Variants in BCAS3 observed in about 807,000 individuals in gnomAD.
The protein encoded by BCAS3 is BCAS3 microtubule associated cell migration factor.
In BCAS3, 53 loss-of-function variants were observed where a neutral mutation model predicts 116.1. The observed-to-expected ratio is 0.46, with a 90% CI of 0.37 to 0.57. The LOEUF is 0.57. Ranked by LOEUF, BCAS3 falls within the 20% of genes least tolerant of loss-of-function variation. The probability of loss-of-function intolerance (pLI) is 0.00; values close to 1 mark genes in which losing one functional copy is unlikely to be tolerated. For synonymous variants in BCAS3, 391 were observed against 408.2 expected, an observed-to-expected ratio of 0.96 and a Z score of 0.51; for missense variants, 917 against 1,165.4, an observed-to-expected ratio of 0.79 and a Z score of 3.10.
At chr17:60,796,042 C>T (rs7214660) in intron 6 of BCAS3, among the ~76,000 whole-genome samples, 7,123 of 152,188 alleles carry the variant, frequency 0.047, 498 homozygotes, top group African/African-American at 0.15. Context: ...TATTGACTCA[C>T]GTATGTTAAA....
At chr17:60,913,686 C>G (rs984414500) in intron 12 of BCAS3, among the ~76,000 whole-genome samples, 1 of 152,030 alleles carries the variant, frequency 6.6e-6, no homozygotes, top group Non-Finnish European at 1.5e-5. Flanking sequence ...AATACATTGA[C>G]TTTTGCTGTT....
intron 14 of BCAS3, among the ~76,000 whole-genome samples, chr17:60,973,265 T>C (rs1341110557): frequency 6.6e-6 from 1 of 152,102 alleles, no homozygotes; most frequent in East Asian, 1.9e-4. Context: ...TCAGTGATGT[T>C]AATTTCCTTT....
chr17:60,789,183 A>G (rs548109141), intron 6 of BCAS3, among the ~76,000 whole-genome samples: 4 of 152,170 alleles, frequency 2.6e-5, no homozygotes, highest in African/African-American at 4.8e-5. Context: ...CTTAACATCA[A>G]AAGAGAAGAG....
chr17:60,710,766 A>G (rs191714971), intron 5 of BCAS3, among the ~76,000 whole-genome samples: 1 of 149,644 alleles, frequency 6.7e-6, no homozygotes, highest in East Asian at 2.0e-4. Flanking sequence ...TTATTTTTTG[A>G]TAAGTCACTT....
chr17:61,236,425 T>C (rs2083062845), intron 22 of BCAS3, among the ~76,000 whole-genome samples: 1 of 152,218 alleles, frequency 6.6e-6, no homozygotes, highest in African/African-American at 2.4e-5. Context: ...GTTCAACCAA[T>C]TGTCCTGCCT....
Position 61,323,005 on chromosome 17 carries a change from C to T in BCAS3, c.2426-45322C>T, listed in dbSNP as rs755122611. ...AGGCGCCTTCCTTTTTTTTTAAAGG[C>T]GTGTTGTGGCTATTTTGATGCCTTT... On this transcript the variant is annotated intron_variant, in intron 22 of 23. Transcript: ENST00000407086. This position sits in a 1 kb window ranked among gnomAD's most constrained non-coding sequence, Gnocchi z 4.6. Among the ~76,000 whole-genome samples the T allele has an allele frequency of 2.6e-5, 4 of 151,032 alleles. No individual in the cohort carries two copies. The highest frequency in any genetic ancestry group is 1.9e-4 in the East Asian group (1 of 5,146).
rs547081108 is a variant in BCAS3 at position 61,310,721 on chromosome 17, G to C, written c.2426-57606G>C. ...GAGACATGAAGGGGGGCAGGCCTCT[G>C]TGCCCCGCCCTCCAAGAGCTCACCA... On this transcript the variant is annotated intron_variant, in intron 22 of 23. Coordinates refer to ENST00000407086, the MANE Select transcript of BCAS3 (RefSeq NM_017679.5). Among the ~76,000 whole-genome samples, 364 of 152,276 alleles carry C rather than the reference G, an allele frequency of 2.4e-3. 3 individuals are homozygous for C. The highest frequency in any genetic ancestry group is 3.6e-3 in the Non-Finnish European group (245 of 68,020).
At chr17:61,093,122 G>C (rs150795500) in intron 22 of BCAS3, among the ~76,000 whole-genome samples, 3 of 151,942 alleles carry the variant, frequency 2.0e-5, no homozygotes, top group Non-Finnish European at 4.4e-5. Context: ...TGGCCAGGCT[G>C]GTCTCGAGCT....
intron 4 of BCAS3, among the ~76,000 whole-genome samples, chr17:60,701,270 G>C (rs2036346665): frequency 6.6e-6 from 1 of 152,020 alleles, no homozygotes; most frequent in Admixed American, 6.6e-5. Flanking sequence ...ATAAAAGTCG[G>C]AGAGGAGAGC....
chr17:60,921,196 T>C (rs2059063981), intron 12 of BCAS3, among the ~76,000 whole-genome samples: 1 of 152,180 alleles, frequency 6.6e-6, no homozygotes, highest in Non-Finnish European at 1.5e-5. Flanking sequence ...AAAGGAAATG[T>C]GCTATTCATC....
rs1436764604 is a variant in BCAS3, at chr17:61,134,139, T to C, written c.2425+49575T>C. Reference sequence around the variant, plus strand: ...AAATATTTCATATAGTCTGCTATAGTCTGGCCAGTATGAATTAAATAAAAG... The same window carrying C: ...AAATATTTCATATAGTCTGCTATAGCCTGGCCAGTATGAATTAAATAAAAG... On this transcript the variant is annotated intron_variant, in intron 22 of 23. Coordinates refer to ENST00000407086, the MANE Select transcript of BCAS3 (RefSeq NM_017679.5). The surrounding 1 kb of genome is among the most constrained non-coding windows in gnomAD (Gnocchi z 4.6). 1.3e-5 allele frequency among the ~76,000 whole-genome samples: 2 copies of C among 152,186 alleles called. No individual in the cohort carries two copies. The highest frequency in any genetic ancestry group is 4.8e-5 in the African/African-American group (2 of 41,458).
chr17:61,037,755 G>T lies in BCAS3; in HGVS notation c.1763-134G>T. ...TCCATCTCCAAAAAAAAGAAAAAAA[G>T]AAAAAAATTCCTGTCTTTTCATTTT... On this transcript the variant is annotated intron_variant, in intron 17 of 23. Transcript: ENST00000407086. This position sits in a 1 kb window ranked among gnomAD's most constrained non-coding sequence, Gnocchi z 4.7. 1 of 897,660 alleles carries T rather than the reference G, an allele frequency of 1.1e-6. No individual in the cohort carries two copies. The highest frequency in any genetic ancestry group is 1.6e-6 in the Non-Finnish European group (1 of 626,092). 55.6% of individuals were successfully genotyped at this position (897,660 alleles called of 1,614,324 possible). A position where few individuals can be genotyped will look rare whatever the true frequency, so the allele number is the denominator to read the frequency against.
At chr17:61,304,271 C>T (rs2053665395) in intron 22 of BCAS3, among the ~76,000 whole-genome samples, 1 of 152,192 alleles carries the variant, frequency 6.6e-6, no homozygotes, top group African/African-American at 2.4e-5. Context: ...CATGTCACTA[C>T]CCATCTAAAG....
chr17:61,049,753 A>G (rs1453679232), intron 19 of BCAS3, among the ~76,000 whole-genome samples: 2 of 118,414 alleles, frequency 1.7e-5, no homozygotes, highest in African/African-American at 3.4e-5. Flanking sequence ...TTTTTTTGAG[A>G]CGGAGTTTCA....
intron 7 of BCAS3, among the ~76,000 whole-genome samples, chr17:60,867,856 GT>G (rs1367619130): frequency 6.6e-6 from 1 of 152,004 alleles, no homozygotes; most frequent in Admixed American, 6.6e-5. Flanking sequence ...TGATTTTAGG[GT>G]CAGACCTTTT....
intron 7 of BCAS3, among the ~76,000 whole-genome samples, chr17:60,846,328 G>A (rs2052533548): frequency 6.6e-6 from 1 of 152,120 alleles, no homozygotes; most frequent in South Asian, 2.1e-4. Flanking sequence ...TATACACAGG[G>A]ATCCCCACTG....
At chr17:60,791,414 G>GAGGCTGAAAT (rs2046757790) in intron 6 of BCAS3, among the ~76,000 whole-genome samples, 1 of 152,180 alleles carries the variant, frequency 6.6e-6, no homozygotes, top group Non-Finnish European at 1.5e-5. Context: ...AGCTCTTTGG[G>GAGGCTGAAAT]AGGCTGAAAT....
rs984643610 is a variant in BCAS3, at chr17:61,017,401, A to G, written c.1637+1500A>G. Among the ~76,000 whole-genome samples the G allele has an allele frequency of 2.6e-5, 4 of 152,142 alleles. No individual in the cohort carries two copies. Among genetic ancestry groups the G allele is most frequent in the Admixed American group, 2.0e-4 (3 of 15,274 alleles). ...TCACTCCAGCATTGTACAATTCTCC[A>G]AAGTACTTACAAATTTTAGCCTGTC... On this transcript the variant is annotated intron_variant, in intron 16 of 23. Transcript: ENST00000407086. The surrounding 1 kb of genome is among the most constrained non-coding windows in gnomAD (Gnocchi z 4.7).
At chr17:60,985,009 CAA>C (rs762586066) in intron 14 of BCAS3, among the ~76,000 whole-genome samples, 3,265 of 50,076 alleles carry the variant, frequency 0.065, 64 homozygotes, top group African/African-American at 0.15. Flanking sequence ...GACTCCATCT[CAA>C]AAAAAAAAAA....
Sources: gnomAD v4.1 joint callset for allele counts (sites outside exome capture counted in the v4.1 genomes callset) on GRCh38, gnomAD v4.1.1 for gene constraint, Gnocchi (gnomAD v3.1) non-coding constraint, MANE v1.5 for transcripts, NCBI Gene and HGNC (gene_info 2026-07-23, HGNC 2026-07-21) for gene names.